PTPRR: variants seen among roughly 807,000 people sequenced by gnomAD.
PTPRR encodes receptor-type tyrosine-protein phosphatase R.
PTPRR carries 38 observed loss-of-function variants against 77.2 expected under a neutral mutation model. That is an observed-to-expected ratio of 0.49 (90% CI 0.38 to 0.65). The LOEUF is 0.65. Among genes scored for constraint, PTPRR ranks in the 30% least tolerant of loss-of-function variants. The pLI, the probability that PTPRR is intolerant of heterozygous loss-of-function variation, is 0.00. For synonymous variants in PTPRR, 299 were observed against 283.1 expected (o/e 1.06, Z -0.57); for missense variants, 744 against 799.2 (o/e 0.93, Z 0.83).
intron 1 of PTPRR, among the ~76,000 whole-genome samples, chr12:70,917,543 A>T (rs1159465285): frequency 6.6e-6 from 1 of 152,122 alleles, no homozygotes; most frequent in African/African-American, 2.4e-5. Flanking sequence ...TCTAACAAGA[A>T]CCATGCTTAG....
At chr12:70,742,922 G>A (rs1311661781) in intron 6 of PTPRR, among the ~76,000 whole-genome samples, 4 of 152,120 alleles carry the variant, frequency 2.6e-5, no homozygotes, top group Admixed American at 6.6e-5. Context: ...TGATGAGGAA[G>A]GTCTTGAGTT....
chr12:70,680,855 C>A (rs1338113531), intron 10 of PTPRR, among the ~76,000 whole-genome samples: 3 of 152,146 alleles, frequency 2.0e-5, no homozygotes, highest in Non-Finnish European at 4.4e-5. Flanking sequence ...GTGCACCCAA[C>A]TGTTGAGTGC....
intron 7 of PTPRR, 101 bp from the exon 8 acceptor site, chr12:70,698,450 C>G: frequency 2.2e-6 from 2 of 928,074 alleles, no homozygotes; most frequent in Non-Finnish European, 3.3e-6. Context: ...ACTTCAAAGC[C>G]ACTTAAAAAC....
chr12:70,665,275 TCTGA>T (rs1886944136), intron 10 of PTPRR, among the ~76,000 whole-genome samples: 1 of 149,194 alleles, frequency 6.7e-6, no homozygotes, highest in African/African-American at 2.4e-5. Flanking sequence ...ATTATCAAAC[TCTGA>T]CTGAAAAGAT....
At chr12:70,720,387 C>T (rs1211830091) in intron 6 of PTPRR, among the ~76,000 whole-genome samples, 1 of 152,104 alleles carries the variant, frequency 6.6e-6, no homozygotes, top group Non-Finnish European at 1.5e-5. Context: ...ATCTGTGATG[C>T]ATCTTGTACA....
chr12:70,664,397 A>G (rs1315004994), intron 10 of PTPRR: 1 of 152,204 alleles, frequency 6.6e-6, no homozygotes, highest in Non-Finnish European at 1.5e-5. Context: ...GCTACTGTGT[A>G]TCTTAAAACC....
chr12:70,718,349 G>T (rs1011865495), intron 6 of PTPRR, among the ~76,000 whole-genome samples: 2 of 151,528 alleles, frequency 1.3e-5, no homozygotes, highest in African/African-American at 4.9e-5. Flanking sequence ...CACTGCAATC[G>T]CTGCCTCCTG....
intron 2 of PTPRR, among the ~76,000 whole-genome samples, chr12:70,829,249 G>GAAATAAATAAAT (rs71895366): frequency 4.2e-4 from 62 of 149,174 alleles, no homozygotes; most frequent in African/African-American, 1.3e-3. Flanking sequence ...GAAGGAAAGA[G>GAAATAAATAAAT]AAATAAATAA....
intron 2 of PTPRR, among the ~76,000 whole-genome samples, chr12:70,794,573 A>G (rs767228067): frequency 3.3e-5 from 5 of 152,214 alleles, no homozygotes; most frequent in Admixed American, 1.3e-4. Flanking sequence ...GGGCAAATAT[A>G]TAACTAACGA....
intron 2 of PTPRR, among the ~76,000 whole-genome samples, chr12:70,865,109 G>A (rs993564301): frequency 2.6e-5 from 4 of 152,020 alleles, no homozygotes; most frequent in South Asian, 2.1e-4. Flanking sequence ...CATTGTGCCC[G>A]ACCGAGATCT....
chr12:70,690,551 G>T (rs1055917007), intron 8 of PTPRR, among the ~76,000 whole-genome samples: 1 of 152,154 alleles, frequency 6.6e-6, no homozygotes, highest in Non-Finnish European at 1.5e-5. Context: ...TAGAATGCAC[G>T]CAGTGATTAG....
intron 6 of PTPRR, among the ~76,000 whole-genome samples, chr12:70,743,208 T>C (rs1404735510): frequency 2.6e-5 from 4 of 151,852 alleles, no homozygotes; most frequent in African/African-American, 4.8e-5. Flanking sequence ...AAAAATGATA[T>C]ATATGAGGCC....
At chr12:70,902,273 A>G (rs1489068568) in intron 1 of PTPRR, among the ~76,000 whole-genome samples, 2 of 151,864 alleles carry the variant, frequency 1.3e-5, no homozygotes, top group Non-Finnish European at 2.9e-5. Flanking sequence ...TTAAAGAACT[A>G]AAAGTAGAAC....
At chr12:70,836,901 T>G (rs1892313605) in intron 2 of PTPRR, among the ~76,000 whole-genome samples, 1 of 152,078 alleles carries the variant, frequency 6.6e-6, no homozygotes, top group Non-Finnish European at 1.5e-5. Context: ...TATAATTAAT[T>G]GAATAAACCT....
rs34620002 is a variant in PTPRR, at chr12:70,885,534, A to ATTTT, written c.357+7141_357+7144dup. ...TACCTTAGTTATTTAACAGTTAAGG[A>ATTTT]TTTTTTTTTTTTTTTTTTGAGACGG... On this transcript the variant is annotated intron_variant, in intron 2 of 13. Coordinates refer to ENST00000283228, the MANE Select transcript of PTPRR (RefSeq NM_002849.4). 8.5e-4 allele frequency among the ~76,000 whole-genome samples: 116 copies of ATTTT among 137,058 alleles called. 2 individuals carry two copies. Among genetic ancestry groups the ATTTT allele is most frequent in the African/African-American group, 2.9e-3 (108 of 36,822 alleles). The allele number at this position is 137,058 out of a possible 152,430, so 89.9% of individuals were successfully genotyped here.
intron 1 of PTPRR, among the ~76,000 whole-genome samples, chr12:70,911,321 C>G (rs1294714462): frequency 6.6e-6 from 1 of 152,110 alleles, no homozygotes; most frequent in Admixed American, 6.6e-5. Context: ...GAGTAGACAA[C>G]AGATGGGAAG....
intron 1 of PTPRR, among the ~76,000 whole-genome samples, chr12:70,905,297 T>C (rs1367621248): frequency 6.6e-6 from 1 of 151,864 alleles, no homozygotes; most frequent in Non-Finnish European, 1.5e-5. Context: ...GGAGGAAAGA[T>C]GAAAGGTTTC....
At chr12:70,769,901 C>A (rs1410236546) in intron 2 of PTPRR, among the ~76,000 whole-genome samples, 1 of 152,062 alleles carries the variant, frequency 6.6e-6, no homozygotes, top group African/African-American at 2.4e-5. Flanking sequence ...CAAAAACAAG[C>A]AATGGGGAAA....
intron 5 of PTPRR, among the ~76,000 whole-genome samples, chr12:70,748,344 T>C (rs1374013101): frequency 6.6e-6 from 1 of 152,176 alleles, no homozygotes; most frequent in Non-Finnish European, 1.5e-5. Context: ...CGAAAGCATC[T>C]GGAAAAGTGT....
Sources: allele counts gnomAD v4.1 joint callset (sites outside exome capture counted in the v4.1 genomes callset), GRCh38; gene constraint gnomAD v4.1.1; transcripts MANE v1.5; gene names NCBI Gene and HGNC (gene_info 2026-07-23, HGNC 2026-07-21).